The following DTWD2 variants were observed in gnomAD, a reference collection of about 807,000 sequenced individuals.
DTWD2 encodes the protein DTW motif tRNA-uridine aminocarboxypropyltransferase 2.
In DTWD2, 39 loss-of-function variants were observed where a neutral mutation model predicts 31.8. The observed-to-expected ratio is 1.22, with a 90% CI of 0.95 to 1.60. DTWD2 has a LOEUF of 1.60. Among genes scored for constraint, DTWD2 ranks in the 40% most tolerant of loss-of-function variants. The pLI is 0.00. For synonymous variants in DTWD2, 180 were observed against 142.8 expected (o/e 1.26, Z -1.86); for missense variants, 515 against 381.5 (o/e 1.35, Z -2.92).
chr5:118,880,434 T>G (rs1056745454), intron 4 of DTWD2, among the ~76,000 whole-genome samples: 4 of 152,228 alleles, frequency 2.6e-5, no homozygotes, highest in African/African-American at 9.6e-5. Flanking sequence ...AATGGGGTTT[T>G]GTTTTGTTTT....
intron 1 of DTWD2, among the ~76,000 whole-genome samples, chr5:118,960,756 A>G (rs1230828924): frequency 6.6e-6 from 1 of 152,190 alleles, no homozygotes; most frequent in Non-Finnish European, 1.5e-5. Context: ...CATAAAAAAA[A>G]ACAAAATCAT....
chr5:118,932,509 A>G (rs1753948791), intron 3 of DTWD2, among the ~76,000 whole-genome samples: 2 of 152,198 alleles, frequency 1.3e-5, no homozygotes, highest in Admixed American at 6.5e-5. Context: ...CCCAAAATTC[A>G]TATGTTGAAG....
intron 4 of DTWD2, among the ~76,000 whole-genome samples, chr5:118,859,883 C>T (rs866880381): frequency 5.9e-5 from 9 of 152,022 alleles, no homozygotes; most frequent in Non-Finnish European, 8.8e-5. Flanking sequence ...TTTGGGAGGC[C>T]AAGACAGGAG....
intron 4 of DTWD2, among the ~76,000 whole-genome samples, chr5:118,859,656 T>C (rs1309127374): frequency 6.6e-6 from 1 of 152,200 alleles, no homozygotes; most frequent in Non-Finnish European, 1.5e-5. Flanking sequence ...GATTTATTAA[T>C]ATGAAATAGT....
intron 4 of DTWD2, among the ~76,000 whole-genome samples, chr5:118,889,943 T>TA (rs977794847): frequency 6.6e-6 from 1 of 152,092 alleles, no homozygotes; most frequent in Non-Finnish European, 1.5e-5. Flanking sequence ...TAATACAAAG[T>TA]AAAATCTATT....
At chr5:118,956,476 T>A (rs1439454142) in intron 1 of DTWD2, among the ~76,000 whole-genome samples, 1 of 152,354 alleles carries the variant, frequency 6.6e-6, no homozygotes, top group African/African-American at 2.4e-5. Flanking sequence ...ACAAAGGTAA[T>A]GTGTATCACT....
Position 118,848,220 on chromosome 5 carries a change from T to C in DTWD2, c.598-2A>G. The C allele has an allele frequency of 6.3e-7, 1 of 1,579,228 alleles. No individual in the cohort carries two copies. The highest frequency in any genetic ancestry group is 2.3e-5 in the East Asian group (1 of 44,140). On this transcript the variant is annotated splice_acceptor_variant, in intron 4 of 5. Coordinates refer to ENST00000510708, the MANE Select transcript of DTWD2 (RefSeq NM_173666.4). LOFTEE classifies it high-confidence loss of function. The stretch of plus-strand genomic sequence containing the variant: ...AGAAATGCTAGTTTTTAATTGCACC[T>C]GAAATCAAAAACAAAATAGAACATA...
chr5:118,973,802 G>C, intron 1 of DTWD2: 2 of 1,612,072 alleles, frequency 1.2e-6, no homozygotes, highest in Admixed American at 1.7e-5. Context: ...CACCATGTCA[G>C]ACGCAGCCGT....
chr5:118,860,670 T>C (rs148447869), intron 4 of DTWD2, among the ~76,000 whole-genome samples: 192 of 152,274 alleles, frequency 1.3e-3, no homozygotes, highest in African/African-American at 4.4e-3. Context: ...AAGTTCATAA[T>C]AGAGCATATT....
At chr5:118,849,649 G>A (rs1561424925) in intron 4 of DTWD2, among the ~76,000 whole-genome samples, 1 of 152,132 alleles carries the variant, frequency 6.6e-6, no homozygotes, top group Non-Finnish European at 1.5e-5. Flanking sequence ...ATGACAGACT[G>A]GATAAAGAAA....
At chr5:118,924,776 G>C (rs750176732) in intron 4 of DTWD2, among the ~76,000 whole-genome samples, 1 of 152,064 alleles carries the variant, frequency 6.6e-6, no homozygotes, top group Non-Finnish European at 1.5e-5. Context: ...GAGACTACTG[G>C]CTTTAGCTCT....
chr5:118,837,750 G>T lies in DTWD2; in HGVS notation c.*3167C>A, dbSNP rs907370230. 11 of 152,008 alleles carry T rather than the reference G, an allele frequency of 7.2e-5. No individual in the cohort carries two copies. Among genetic ancestry groups the T allele is most frequent in the African/African-American group, 2.7e-4 (11 of 41,384 alleles). 9.4% of individuals were successfully genotyped at this position (152,008 alleles called of 1,614,324 possible). ...ACCCCCATCTCCACAAAAATTAAAT[G>T]AAATTAGTAAAATTTAAAATTAGCT... On this transcript the variant is annotated 3_prime_UTR_variant, in exon 6 of 6. Transcript: ENST00000510708.
At position 118,840,989 on chromosome 5, in the gene DTWD2, A is replaced by G. The variant is rs1751699509; in HGVS notation, c.825T>C (p.Tyr275=). 1 of 1,613,874 alleles carries G rather than the reference A, an allele frequency of 6.2e-7. No individual in the cohort carries two copies. Among genetic ancestry groups the G allele is most frequent in the East Asian group, 2.2e-5 (1 of 44,800 alleles). Residue 275 remains tyrosine, a synonymous_variant, in exon 6 of 6, where the codon TAT becomes TAC. Coordinates refer to ENST00000510708, the MANE Select transcript of DTWD2 (RefSeq NM_173666.4). ...SKEHLLKNGL[Y]PKPMPKNKRK... is the part of the protein sequence containing the mutation. The stretch of plus-strand genomic sequence containing the variant: ...GTTTGTTCTTTGGCATTGGTTTAGG[A>G]TATAATCCATTTTTCAGAAGGTGTT...
intron 4 of DTWD2, among the ~76,000 whole-genome samples, chr5:118,883,058 C>A (rs1282837154): frequency 1.3e-5 from 2 of 152,172 alleles, no homozygotes; most frequent in Non-Finnish European, 2.9e-5. Flanking sequence ...AATATCAAAC[C>A]ATCTCTTTGA....
At position 118,988,361 on chromosome 5, in the gene DTWD2, T is replaced by A; in HGVS notation, c.151A>T (p.Ser51Cys). The change falls in exon 1 of 6, where the codon AGT becomes TGT. Residue 51 changes from serine to cysteine, a missense_variant. By Grantham distance (112) the Ser-to-Cys change is moderately radical (BLOSUM62 -1). Transcript: ENST00000510708. ...GGCAGCTCCCACAGCCCGTCCGCAC[T>A]GTCGTCGTCCGCCTCTGCGCCCAGG... ...AALGAEADDD[S>C]ADGLWELPVE... 1.3e-6 allele frequency: 2 copies of A among 1,567,476 alleles called. No individual in the cohort carries two copies. The highest frequency in any genetic ancestry group is 1.7e-6 in the Non-Finnish European group (2 of 1,159,100).
intron 1 of DTWD2, among the ~76,000 whole-genome samples, chr5:118,965,327 C>T (rs1472366523): frequency 1.0e-4 from 15 of 150,004 alleles, no homozygotes; most frequent in South Asian, 2.1e-4. Context: ...TCCGCTCAGC[C>T]GCCACCCCGT....
intron 3 of DTWD2, among the ~76,000 whole-genome samples, chr5:118,933,100 T>C (rs1408278401): frequency 6.6e-6 from 1 of 151,988 alleles, no homozygotes; most frequent in South Asian, 2.1e-4. Context: ...AAACAAACTA[T>C]CAAAACTCAC....
At chr5:118,886,028 G>A (rs577748350) in intron 4 of DTWD2, among the ~76,000 whole-genome samples, 2 of 152,194 alleles carry the variant, frequency 1.3e-5, no homozygotes, top group East Asian at 3.9e-4. Context: ...GAAAAGAAAG[G>A]GGACCTTGGG....
chr5:118,891,440 G>A, intron 4 of DTWD2, among the ~76,000 whole-genome samples: 1 of 152,130 alleles, frequency 6.6e-6, no homozygotes, highest in African/African-American at 2.4e-5. Flanking sequence ...ATTTAATACA[G>A]TGCTTCTCCA....
Sources: allele counts gnomAD v4.1 joint callset (sites outside exome capture counted in the v4.1 genomes callset), GRCh38; gene constraint gnomAD v4.1.1; transcripts MANE v1.5; gene names NCBI Gene and HGNC (gene_info 2026-07-23, HGNC 2026-07-21).